The following ALK variants were observed in gnomAD, a reference collection of about 807,000 sequenced individuals.
ALK encodes the protein ALK receptor tyrosine kinase.
In ALK, 74 loss-of-function variants were observed where a neutral mutation model predicts 163.1. The ratio of observed to expected loss-of-function variants is 0.45; its 90% CI spans 0.38 to 0.55. The LOEUF (loss-of-function observed/expected upper bound fraction) is 0.55. Ranked by LOEUF, ALK falls within the 20% of genes least tolerant of loss-of-function variation. ALK has a pLI of 0.00. For missense variants in ALK, 2,063 were observed against 2,105.3 expected (o/e 0.98, Z 0.39); for synonymous variants, 960 against 843.2 (o/e 1.14, Z -2.40).
intron 1 of ALK, among the ~76,000 whole-genome samples, chr2:29,832,548 C>G (rs1665448432): frequency 6.6e-6 from 1 of 152,240 alleles, no homozygotes; most frequent in Non-Finnish European, 1.5e-5. Context: ...TTCTGTCATG[C>G]CTCTTCTCAC....
chr2:29,208,213 G>A (rs986173317), intron 25 of ALK, among the ~76,000 whole-genome samples: 2 of 152,212 alleles, frequency 1.3e-5, no homozygotes, highest in African/African-American at 4.8e-5. Context: ...TGAGGCAGGG[G>A]TAGGGAAAGC....
At chr2:29,216,638 T>C (rs1669615396) in intron 23 of ALK, among the ~76,000 whole-genome samples, 1 of 151,406 alleles carries the variant, frequency 6.6e-6, no homozygotes, top group Non-Finnish European at 1.5e-5. Flanking sequence ...GTGTGTATTG[T>C]GTATATGTGC....
intron 8 of ALK, among the ~76,000 whole-genome samples, chr2:29,303,312 T>C (rs1025949145): frequency 4.0e-5 from 6 of 151,356 alleles, no homozygotes; most frequent in Non-Finnish European, 7.4e-5. Flanking sequence ...ACCAGAGAAA[T>C]GCAAATCAAA....
intron 1 of ALK, among the ~76,000 whole-genome samples, chr2:29,895,834 G>C (rs1572479103): frequency 6.6e-6 from 1 of 152,158 alleles, no homozygotes. Context: ...GAGGACCACA[G>C]GAGTGAGATA....
chr2:29,519,080 A>G (rs1421847210), intron 4 of ALK, among the ~76,000 whole-genome samples: 3 of 152,230 alleles, frequency 2.0e-5, no homozygotes, highest in Non-Finnish European at 4.4e-5. Flanking sequence ...TTTGTGTATA[A>G]AACACAAGAG....
At chr2:29,802,083 A>C (rs1471745744) in intron 1 of ALK, among the ~76,000 whole-genome samples, 2 of 152,264 alleles carry the variant, frequency 1.3e-5, no homozygotes, top group Admixed American at 6.5e-5. Flanking sequence ...CTTGGTTTAA[A>C]TGTCAAAACA....
In ALK at chr2:29,349,181, G is replaced by C. The variant is rs561463709; in HGVS notation, c.1283-20700C>G. Among the ~76,000 whole-genome samples, 71 of 152,250 alleles carry C rather than the reference G, an allele frequency of 4.7e-4. 1 individual carries two copies. Among genetic ancestry groups the C allele is most frequent in the African/African-American group, 1.7e-3 (71 of 41,560 alleles). ...AGGGTCGCCCTCTCCATCGGCTCAG[G>C]GAAGACAGTAGAGTCTGCCTTATTC... is the stretch of plus-strand genomic sequence containing the variant. On this transcript the variant is annotated intron_variant, in intron 5 of 28. Transcript: ENST00000389048.
chr2:29,384,212 C>A (rs1368753908), intron 4 of ALK, among the ~76,000 whole-genome samples: 1 of 152,130 alleles, frequency 6.6e-6, no homozygotes, highest in Non-Finnish European at 1.5e-5. Context: ...AGTAAGTAGA[C>A]TCAAGGAAAT....
intron 24 of ALK, among the ~76,000 whole-genome samples, chr2:29,211,725 A>G (rs1669471056): frequency 6.6e-6 from 1 of 152,168 alleles, no homozygotes; most frequent in East Asian, 1.9e-4. Flanking sequence ...AGCTAGTTAG[A>G]ACATGTAAAA....
intron 4 of ALK, among the ~76,000 whole-genome samples, chr2:29,468,076 G>C (rs2148108581): frequency 6.6e-6 from 1 of 151,500 alleles, no homozygotes; most frequent in South Asian, 2.1e-4. Context: ...TGTTGCCCAG[G>C]CTGGAGTAGT....
intron 5 of ALK, among the ~76,000 whole-genome samples, chr2:29,335,929 A>G (rs1667599193): frequency 6.6e-6 from 1 of 152,084 alleles, no homozygotes; most frequent in Non-Finnish European, 1.5e-5. Context: ...AATCACAGCT[A>G]CTTGGGAGGG....
intron 23 of ALK, among the ~76,000 whole-genome samples, chr2:29,216,669 GTA>G (rs961582772): frequency 3.5e-4 from 18 of 51,606 alleles, no homozygotes; most frequent in African/African-American, 7.2e-4. Flanking sequence ...TGTGTTTTGT[GTA>G]TGTGTTGTGT....
intron 4 of ALK, among the ~76,000 whole-genome samples, chr2:29,412,388 G>T (rs1352283042): frequency 1.3e-5 from 2 of 152,120 alleles, no homozygotes. Context: ...GAAAGCCCTG[G>T]GGTTTTCACT....
At position 29,694,888 on chromosome 2, in the gene ALK, T is replaced by A. The variant is rs774123293; in HGVS notation, c.914A>T (p.Asp305Val). The change falls in exon 3 of 29, where the codon GAT becomes GTT. Residue 305 changes from aspartate (D) to valine (V), a missense_variant. Physicochemically the swap from Asp to Val is radical, Grantham distance 152. Around this residue, in one of 5 missense-constraint regions of ALK, gnomAD observed 987 missense variants for 939.5 expected, o/e 1.05. Transcript: ENST00000389048. ...SEEASQMDLL[D>V]GPGAERSKEM... is the part of the protein sequence containing the mutation. ...CTTAGAACGCTCTGCCCCAGGCCCA[T>A]CCAGCAAGTCCATCTGGGAGGCCTC... is the stretch of plus-strand genomic sequence containing the variant. 6.2e-7 allele frequency: 1 copy of A among 1,614,004 alleles called. No homozygotes were observed. The highest frequency in any genetic ancestry group is 8.5e-7 in the Non-Finnish European group (1 of 1,179,966).
intron 28 of ALK, among the ~76,000 whole-genome samples, chr2:29,194,183 G>A (rs1668965378): frequency 6.6e-6 from 1 of 152,068 alleles, no homozygotes; most frequent in Non-Finnish European, 1.5e-5. Context: ...AAGCTTTGCA[G>A]AGGAGGAGAC....
At chr2:29,599,490 T>C (rs1468667042) in intron 3 of ALK, among the ~76,000 whole-genome samples, 1 of 152,224 alleles carries the variant, frequency 6.6e-6, no homozygotes, top group Middle Eastern at 3.2e-3. Flanking sequence ...GGCTTTTAAA[T>C]GAAGCTGTTG....
intron 9 of ALK, among the ~76,000 whole-genome samples, chr2:29,283,358 AG>A (rs1665762273): frequency 6.6e-6 from 1 of 151,812 alleles, no homozygotes; most frequent in Non-Finnish European, 1.5e-5. Flanking sequence ...GTCTGGAGCT[AG>A]AAAGGCCCGC....
At chr2:29,556,893 C>T (rs562735835) in intron 3 of ALK, among the ~76,000 whole-genome samples, 50 of 152,306 alleles carry the variant, frequency 3.3e-4, no homozygotes, top group African/African-American at 1.2e-3. Flanking sequence ...CTCCTCCAGA[C>T]AATTTGTAGT....
chr2:29,681,573 T>C (rs1215309691), intron 3 of ALK, among the ~76,000 whole-genome samples: 1 of 152,172 alleles, frequency 6.6e-6, no homozygotes, highest in Non-Finnish European at 1.5e-5. Flanking sequence ...GCTCTGCATA[T>C]ACACAACCGT....
Sources: allele counts gnomAD v4.1 joint callset (sites outside exome capture counted in the v4.1 genomes callset), GRCh38; gene constraint gnomAD v4.1.1; regional missense constraint gnomAD v4.1.1; transcripts MANE v1.5; gene names NCBI Gene and HGNC (gene_info 2026-07-23, HGNC 2026-07-21).